The following USP34 variants were observed in gnomAD, a reference collection of about 807,000 sequenced individuals.
USP34 encodes ubiquitin carboxyl-terminal hydrolase 34.
Under a neutral mutation model 460.3 loss-of-function variants are expected in USP34, and 70 were observed. The observed-to-expected ratio is 0.15, with a 90% CI of 0.13 to 0.19. The LOEUF is 0.19. Ranked by LOEUF, USP34 falls within the 10% of genes least tolerant of loss-of-function variation. The pLI is 1.00. For synonymous variants in USP34, 1,647 were observed against 1,405.3 expected, an observed-to-expected ratio of 1.17 and a Z score of -3.85; for missense variants, 3,985 against 4,236.2, an observed-to-expected ratio of 0.94 and a Z score of 1.65.
intron 1 of USP34, among the ~76,000 whole-genome samples, chr2:61,460,852 G>A (rs11676742): frequency 2.6e-3 from 395 of 151,800 alleles, no homozygotes; most frequent in Non-Finnish European, 4.2e-3. Context: ...GCATAGTGAC[G>A]CACGCCTGTA....
At chr2:61,441,151 T>A (rs1162772609) in intron 1 of USP34, among the ~76,000 whole-genome samples, 1 of 151,278 alleles carries the variant, frequency 6.6e-6, no homozygotes, top group African/African-American at 2.4e-5. Flanking sequence ...ATTTTTTTTT[T>A]TTTTTGGACT....
At chr2:61,291,883 A>T (rs1045587449) in intron 33 of USP34, among the ~76,000 whole-genome samples, 2 of 152,156 alleles carry the variant, frequency 1.3e-5, no homozygotes. Flanking sequence ...ATATAATTAT[A>T]AAAAAATGAA....
intron 75 of USP34, chr2:61,200,063 A>G (rs1276910557): frequency 1.3e-5 from 2 of 152,326 alleles, no homozygotes; most frequent in African/African-American, 2.4e-5. Flanking sequence ...GTGTGTGCGC[A>G]TGCAGAGAGA....
rs1309421754 is a variant in USP34 at position 61,190,274 on chromosome 2, A to G, written c.9870T>C (p.Asn3290=). ...GCCGCCTCTGCATAGTTCTTACCCCATTTAAAGAAGCACTTGCTTTGGAAA... is the reference window on the plus strand; with the variant it reads ...GCCGCCTCTGCATAGTTCTTACCCCGTTTAAAGAAGCACTTGCTTTGGAAA... ...VEISKASASL[N]GDLRALALLL... is the part of the protein sequence containing the mutation. Residue 3290 remains asparagine (N), a synonymous_variant, in exon 78 of 80, where the codon AAT becomes AAC. Transcript: ENST00000398571. 1 of 1,611,974 alleles carries G rather than the reference A, an allele frequency of 6.2e-7. No individual in the cohort carries two copies. Among genetic ancestry groups the G allele is most frequent in the East Asian group, 2.2e-5 (1 of 44,864 alleles).
intron 2 of USP34, among the ~76,000 whole-genome samples, chr2:61,410,242 G>C (rs912604239): frequency 2.6e-5 from 4 of 152,124 alleles, no homozygotes; most frequent in African/African-American, 9.7e-5. Flanking sequence ...CAACTAGACG[G>C]TACCATCTGG....
chr2:61,228,807 T>A lies in USP34; in HGVS notation c.7368+20A>T, dbSNP rs372562407. On this transcript the variant is annotated intron_variant, in intron 60 of 79. Coordinates refer to ENST00000398571, the MANE Select transcript of USP34 (RefSeq NM_014709.4). ...GAAAAAAGGTAGATAATCAAAAAAA[T>A]AGACAAGATATAGCCTCACCTCTTC... The A allele has an allele frequency of 1.3e-6, 2 of 1,588,278 alleles. No homozygotes were observed. Among genetic ancestry groups the A allele is most frequent in the Non-Finnish European group, 1.7e-6 (2 of 1,171,272 alleles).
chr2:61,378,705 G>C (rs963799067), intron 7 of USP34, among the ~76,000 whole-genome samples: 1 of 151,464 alleles, frequency 6.6e-6, no homozygotes, highest in African/African-American at 2.4e-5. Flanking sequence ...CAGGAGCTCT[G>C]AGACCAGCCT....
chr2:61,385,118 A>G (rs992771025), intron 5 of USP34, among the ~76,000 whole-genome samples: 4 of 152,260 alleles, frequency 2.6e-5, no homozygotes, highest in African/African-American at 2.4e-5. Context: ...CAAATAATAC[A>G]GTTTTCAAAA....
intron 1 of USP34, among the ~76,000 whole-genome samples, chr2:61,455,996 G>T (rs1695427218): frequency 6.6e-6 from 1 of 152,076 alleles, no homozygotes; most frequent in Non-Finnish European, 1.5e-5. Context: ...TCATCCTACT[G>T]CCTCATCTGT....
chr2:61,269,372 CCCAGG>C (rs1296355087), intron 41 of USP34, among the ~76,000 whole-genome samples: 1 of 150,578 alleles, frequency 6.6e-6, no homozygotes, highest in Non-Finnish European at 1.5e-5. Flanking sequence ...CACCAGGTTA[CCCAGG>C]CTGGTCTCCA....
intron 1 of USP34, among the ~76,000 whole-genome samples, chr2:61,427,010 A>C (rs1181795456): frequency 1.3e-5 from 2 of 152,212 alleles, no homozygotes; most frequent in Non-Finnish European, 2.9e-5. Context: ...GGGTACCCCT[A>C]AAGCAGATAC....
intron 1 of USP34, among the ~76,000 whole-genome samples, chr2:61,468,809 A>C (rs1002401575): frequency 2.0e-5 from 3 of 152,218 alleles, no homozygotes; most frequent in Admixed American, 6.5e-5. Context: ...TTCCCAGATA[A>C]TCTTAAATAA....
rs372136144 is a variant in USP34, at chr2:61,228,668, T to C, written c.7420A>G (p.Met2474Val). ...QAISTMVHFYMGTKGPENPQV... is the reference protein window; with the variant it reads ...QAISTMVHFYVGTKGPENPQV... ...ACATTTTCAGGTCCTTTTGTTCCCA[T>C]GTAAAAATGTACCATTGTAGATATA... Residue 2474 changes from methionine (M) to valine (V), a missense_variant, in exon 61 of 80, where the codon ATG (methionine) becomes GTG (valine). Coordinates refer to ENST00000398571, the MANE Select transcript of USP34 (RefSeq NM_014709.4). 1 of 1,611,614 alleles carries C rather than the reference T, an allele frequency of 6.2e-7. No homozygotes were observed.
intron 19 of USP34, 22 bp downstream of exon 19, chr2:61,333,860 C>A: frequency 7.0e-7 from 1 of 1,435,996 alleles, no homozygotes; most frequent in African/African-American, 1.5e-5. Flanking sequence ...AAAATAAATA[C>A]TTTTTTCTTT....
chr2:61,421,804 C>CGT (rs1228558499), intron 1 of USP34, among the ~76,000 whole-genome samples: 3 of 152,168 alleles, frequency 2.0e-5, no homozygotes, highest in Non-Finnish European at 4.4e-5. Context: ...CACACGCGCG[C>CGT]GCGCGCACCT....
Position 61,270,148 on chromosome 2 carries a change from A to T in USP34, c.5434-3981T>A, listed in dbSNP as rs150446746. Among the ~76,000 whole-genome samples the T allele has an allele frequency of 3.5e-3, 534 of 152,314 alleles. 2 individuals carry two copies. The highest frequency in any genetic ancestry group is 0.011 in the African/African-American group (441 of 41,566). On this transcript the variant is annotated intron_variant, in intron 41 of 79. Coordinates refer to ENST00000398571, the MANE Select transcript of USP34 (RefSeq NM_014709.4). ...ATTTGTATGTTGAAACCTAACCACCAATGTGATGGTATTAGAAGGTGGGAC... is the reference window on the plus strand; with the variant it reads ...ATTTGTATGTTGAAACCTAACCACCTATGTGATGGTATTAGAAGGTGGGAC...
chr2:61,206,911 A>T (rs1230150039), intron 70 of USP34, 25 bp from the exon 71 acceptor site: 1 of 1,606,028 alleles, frequency 6.2e-7, no homozygotes, highest in East Asian at 2.2e-5. Flanking sequence ...AAAAAATTGA[A>T]AACTTAATTT....
chr2:61,436,244 C>T (rs552368021), intron 1 of USP34, among the ~76,000 whole-genome samples: 1 of 152,190 alleles, frequency 6.6e-6, no homozygotes, highest in Non-Finnish European at 1.5e-5. Context: ...GCAAAAGAAT[C>T]GCTTGAACCT....
At chr2:61,234,012 G>GA (rs966982142) in intron 57 of USP34, among the ~76,000 whole-genome samples, 6 of 151,476 alleles carry the variant, frequency 4.0e-5, no homozygotes, top group Non-Finnish European at 8.8e-5. Flanking sequence ...TTCCATTATG[G>GA]AAAAAAAAGG....
Sources: allele counts gnomAD v4.1 joint callset (sites outside exome capture counted in the v4.1 genomes callset), GRCh38; gene constraint gnomAD v4.1.1; transcripts MANE v1.5; gene names NCBI Gene and HGNC (gene_info 2026-07-23, HGNC 2026-07-21).